The following GPHN variants were observed in gnomAD, a reference collection of about 807,000 sequenced individuals.
GPHN encodes gephyrin.
In GPHN, 17 loss-of-function variants were observed where a neutral mutation model predicts 95.5. That is an observed-to-expected ratio of 0.18 (90% CI 0.12 to 0.27). GPHN has a LOEUF of 0.27. GPHN is among the 10% of genes least tolerant of loss of function. The pLI is 1.00. For missense variants in GPHN, 660 were observed against 978.1 expected, an observed-to-expected ratio of 0.67 and a Z score of 4.34; for synonymous variants, 320 against 322.5, an observed-to-expected ratio of 0.99 and a Z score of 0.08.
chr14:66,715,488 T>C (rs1249230497), intron 2 of GPHN, among the ~76,000 whole-genome samples: 1 of 152,220 alleles, frequency 6.6e-6, no homozygotes, highest in Non-Finnish European at 1.5e-5. Flanking sequence ...TTAGTTCTGC[T>C]CTGATCGTGG....
At chr14:67,318,927 G>A in the GPHN span, among the ~76,000 whole-genome samples, 2 of 152,060 alleles carry the variant, frequency 1.3e-5, no homozygotes, top group Non-Finnish European at 2.9e-5. Flanking sequence ...GCGTGATGGC[G>A]GGTGCCTGTA....
chr14:67,410,212 T>C, the GPHN span, among the ~76,000 whole-genome samples: 1 of 151,988 alleles, frequency 6.6e-6, no homozygotes, highest in Non-Finnish European at 1.5e-5. Context: ...ACTCTCAGCA[T>C]GGTGGGGGTG....
chr14:66,926,972 T>C lies in GPHN; in HGVS notation c.828+2680T>C, dbSNP rs959839933. 2.6e-5 allele frequency among the ~76,000 whole-genome samples: 4 copies of C among 152,310 alleles called. No homozygotes were observed. In the East Asian group the frequency reaches 7.7e-4, roughly 29 times the overall value. The stretch of plus-strand genomic sequence containing the variant: ...AAATCTTTTACTTCTTTGGTTAAAT[T>C]TATTCCTATGTGTTTTCTTTGTAGC... On this transcript the variant is annotated intron_variant, in intron 8 of 22. Coordinates refer to ENST00000478722, the MANE Select transcript of GPHN (RefSeq NM_020806.5).
At chr14:67,371,691 A>AAAAATACAGTATTATAATCTT in the GPHN span, among the ~76,000 whole-genome samples, 1 of 152,208 alleles carries the variant, frequency 6.6e-6, no homozygotes, top group African/African-American at 2.4e-5. Context: ...AAGATACAGT[A>AAAAATACAGTATTATAATCTT]AAAATACAGT....
At chr14:67,103,511 C>CTTTTTTTTTTTTTTTTTTTTTT in intron 13 of GPHN, among the ~76,000 whole-genome samples, 1 of 53,396 alleles carries the variant, frequency 1.9e-5, no homozygotes, top group African/African-American at 8.1e-5. Context: ...GTTTCTTTCT[C>CTTTTTTTTTTTTTTTTTTTTTT]TTTTTTTTTT....
At chr14:66,864,609 C>T (rs993488712) in intron 4 of GPHN, among the ~76,000 whole-genome samples, 2 of 152,020 alleles carry the variant, frequency 1.3e-5, no homozygotes, top group Non-Finnish European at 2.9e-5. Flanking sequence ...CCTGTTTCTA[C>T]TAAAAATATA....
At chr14:67,633,574 A>G in the GPHN span, among the ~76,000 whole-genome samples, 3 of 151,838 alleles carry the variant, frequency 2.0e-5, no homozygotes, top group South Asian at 6.3e-4. Flanking sequence ...GTTCCCTCTC[A>G]TTTATTTCTT....
intron 22 of GPHN, 39 bp from the exon 23 acceptor site, chr14:67,180,765 T>C (rs1170474672): frequency 4.4e-6 from 7 of 1,606,572 alleles, no homozygotes; most frequent in Non-Finnish European, 6.0e-6. Context: ...GTATACGCCA[T>C]GATGCTTATG....
chr14:67,263,468 C>G, the GPHN span, among the ~76,000 whole-genome samples: 246 of 152,308 alleles, frequency 1.6e-3, no homozygotes, highest in African/African-American at 5.7e-3. Flanking sequence ...AAGAGAATCT[C>G]TATGAACAAG....
At chr14:67,558,210 A>G in the GPHN span, among the ~76,000 whole-genome samples, 2 of 152,002 alleles carry the variant, frequency 1.3e-5, no homozygotes, top group Non-Finnish European at 2.9e-5. Flanking sequence ...TTACCTACCC[A>G]GCTTTCCCCT....
At chr14:67,640,913 A>G in the GPHN span, among the ~76,000 whole-genome samples, 3 of 152,160 alleles carry the variant, frequency 2.0e-5, no homozygotes, top group Non-Finnish European at 4.4e-5. Flanking sequence ...CCAAAATCGG[A>G]AATGTTCCAA....
At chr14:67,368,228 A>G in the GPHN span, among the ~76,000 whole-genome samples, 1 of 152,176 alleles carries the variant, frequency 6.6e-6, no homozygotes, top group East Asian at 1.9e-4. Flanking sequence ...GCAGTTGGCT[A>G]GTTTGAATGC....
chr14:67,333,065 T>G, the GPHN span: 1 of 955,696 alleles, frequency 1.0e-6, no homozygotes, highest in South Asian at 1.6e-5. Context: ...GGCAGCAGTA[T>G]AAGCTGTAGA....
chr14:67,731,387 G>A, the GPHN span, among the ~76,000 whole-genome samples: 3 of 151,462 alleles, frequency 2.0e-5, no homozygotes, highest in Admixed American at 6.6e-5. Context: ...GCTAGTTTTT[G>A]TATTTCTAGT....
chr14:66,617,949 T>C (rs768464313), intron 1 of GPHN, among the ~76,000 whole-genome samples: 9 of 152,188 alleles, frequency 5.9e-5, no homozygotes, highest in Non-Finnish European at 8.8e-5. Flanking sequence ...AGAGATTATC[T>C]TCTAATTTTG....
intron 17 of GPHN, among the ~76,000 whole-genome samples, chr14:67,139,465 A>G (rs2080321219): frequency 6.6e-6 from 1 of 152,096 alleles, no homozygotes; most frequent in East Asian, 1.9e-4. Context: ...TTTATGGTAT[A>G]TTACATGCCT....
At chr14:66,609,841 A>G (rs1036316948) in intron 1 of GPHN, among the ~76,000 whole-genome samples, 3 of 152,068 alleles carry the variant, frequency 2.0e-5, no homozygotes, top group African/African-American at 7.2e-5. Flanking sequence ...GGATAGTTCT[A>G]CTGGATTCCT....
chr14:66,776,020 T>C (rs2059369713), intron 2 of GPHN, among the ~76,000 whole-genome samples: 1 of 152,152 alleles, frequency 6.6e-6, no homozygotes, highest in Non-Finnish European at 1.5e-5. Context: ...AACAAGGTCA[T>C]GGGGAAGGAA....
At chr14:66,994,603 A>G (rs563150848) in intron 9 of GPHN, among the ~76,000 whole-genome samples, 1 of 152,342 alleles carries the variant, frequency 6.6e-6, no homozygotes, top group East Asian at 1.9e-4. Flanking sequence ...TAGAAAATAG[A>G]GAACTGAGTA....
Sources: allele counts gnomAD v4.1 joint callset (sites outside exome capture counted in the v4.1 genomes callset), GRCh38; gene constraint gnomAD v4.1.1; transcripts MANE v1.5; gene names NCBI Gene and HGNC (gene_info 2026-07-23, HGNC 2026-07-21).